Variants in CADPS observed in about 807,000 individuals in gnomAD.
CADPS encodes the protein calcium-dependent secretion activator 1.
CADPS carries 57 observed loss-of-function variants against 167.3 expected under a neutral mutation model. The observed-to-expected ratio is 0.34, with a 90% confidence interval of 0.28 to 0.42. The LOEUF is 0.42. CADPS is among the 20% of genes least tolerant of loss of function. The pLI, the probability that CADPS is intolerant of heterozygous loss-of-function variation, is 1.00. For missense variants in CADPS, 1,414 were observed against 1,738.1 expected, an observed-to-expected ratio of 0.81 and a Z score of 3.32; for synonymous variants, 676 against 635.3, an observed-to-expected ratio of 1.06 and a Z score of -0.96.
At chr3:62,714,324 A>C (rs1489426080) in intron 3 of CADPS, among the ~76,000 whole-genome samples, 1 of 152,152 alleles carries the variant, frequency 6.6e-6, no homozygotes, top group Non-Finnish European at 1.5e-5. Flanking sequence ...TTCATTGCTC[A>C]TTTTCTTCAT....
intron 26 of CADPS, among the ~76,000 whole-genome samples, chr3:62,450,083 A>C (rs1374769300): frequency 6.6e-6 from 1 of 152,154 alleles, no homozygotes; most frequent in Non-Finnish European, 1.5e-5. Context: ...CCTGGTGGTG[A>C]TAGTCAGTTT....
intron 8 of CADPS, among the ~76,000 whole-genome samples, chr3:62,579,756 G>T (rs1481492209): frequency 6.6e-6 from 1 of 152,166 alleles, no homozygotes; most frequent in African/African-American, 2.4e-5. Flanking sequence ...CTCTGAATGA[G>T]ATGGGGAATC....
At chr3:62,717,117 A>G (rs2084822849) in intron 3 of CADPS, among the ~76,000 whole-genome samples, 1 of 152,174 alleles carries the variant, frequency 6.6e-6, no homozygotes, top group Non-Finnish European at 1.5e-5. Flanking sequence ...TCTCCATATC[A>G]TTCACCTCTC....
Position 62,517,595 on chromosome 3 carries a change from A to G in CADPS, c.2393+554T>C, listed in dbSNP as rs541251206. Among the ~76,000 whole-genome samples, 4 of 152,332 alleles carry G rather than the reference A, an allele frequency of 2.6e-5. No individual in the cohort carries two copies. In the South Asian group the frequency reaches 8.3e-4, roughly 32 times the overall value. On this transcript the variant is annotated intron_variant, in intron 14 of 29. Transcript: ENST00000383710. Reference sequence around the variant, plus strand: ...ATCTCTGGTCCAGAACCACCAGGACAGCACTAAAAACACCTAATGTGCTCC... The same window carrying G: ...ATCTCTGGTCCAGAACCACCAGGACGGCACTAAAAACACCTAATGTGCTCC...
intron 23 of CADPS, among the ~76,000 whole-genome samples, chr3:62,476,943 C>T (rs2150706437): frequency 6.6e-6 from 1 of 152,138 alleles, no homozygotes; most frequent in East Asian, 1.9e-4. Context: ...ATATTTTGAT[C>T]TTGAGTTTGA....
intron 6 of CADPS, among the ~76,000 whole-genome samples, chr3:62,594,540 G>C (rs1315499694): frequency 3.3e-5 from 5 of 152,068 alleles, no homozygotes; most frequent in Non-Finnish European, 5.9e-5. Context: ...TTCTATTATT[G>C]AAATAGAATT....
intron 26 of CADPS, among the ~76,000 whole-genome samples, chr3:62,456,873 G>A (rs1484574203): frequency 6.6e-6 from 1 of 152,014 alleles, no homozygotes; most frequent in Non-Finnish European, 1.5e-5. Context: ...CTACCAATGT[G>A]ACATCCCTAA....
intron 3 of CADPS, among the ~76,000 whole-genome samples, chr3:62,717,054 A>G (rs1008582383): frequency 2.0e-5 from 3 of 152,202 alleles, no homozygotes; most frequent in Non-Finnish European, 4.4e-5. Context: ...CAGCCACAGA[A>G]AATCTACATA....
At chr3:62,814,168 C>A (rs1255595641) in intron 1 of CADPS, among the ~76,000 whole-genome samples, 1 of 152,084 alleles carries the variant, frequency 6.6e-6, no homozygotes, top group Admixed American at 6.6e-5. Context: ...CTCATTTCCC[C>A]AATCCTGTCA....
At chr3:62,633,662 C>T (rs915549251) in intron 6 of CADPS, among the ~76,000 whole-genome samples, 2 of 152,012 alleles carry the variant, frequency 1.3e-5, no homozygotes, top group African/African-American at 4.8e-5. Context: ...ATTTTGTGAC[C>T]CCTCTAATTA....
At chr3:62,694,888 C>T (rs1398166774) in intron 3 of CADPS, among the ~76,000 whole-genome samples, 4 of 152,044 alleles carry the variant, frequency 2.6e-5, no homozygotes, top group South Asian at 4.1e-4. Flanking sequence ...TAGATGCCAT[C>T]AATCAGATAA....
intron 1 of CADPS, among the ~76,000 whole-genome samples, chr3:62,837,699 C>T (rs2076089895): frequency 6.6e-6 from 1 of 152,172 alleles, no homozygotes; most frequent in African/African-American, 2.4e-5. Flanking sequence ...GGTCACAGCA[C>T]ATCCTATCAT....
At chr3:62,800,329 G>GA (rs2093686871) in intron 1 of CADPS, among the ~76,000 whole-genome samples, 1 of 151,926 alleles carries the variant, frequency 6.6e-6, no homozygotes, top group Non-Finnish European at 1.5e-5. Context: ...TCTTTTGGGT[G>GA]AAAAAAATGT....
At chr3:62,428,012 A>G (rs1162619640) in intron 28 of CADPS, among the ~76,000 whole-genome samples, 1 of 152,254 alleles carries the variant, frequency 6.6e-6, no homozygotes, top group East Asian at 1.9e-4. Context: ...AGGGATGGTC[A>G]GAATGGAAAA....
intron 6 of CADPS, 118 bp downstream of exon 6, chr3:62,645,604 C>A: frequency 1.8e-6 from 2 of 1,086,436 alleles, no homozygotes; most frequent in Non-Finnish European, 2.6e-6. Flanking sequence ...GAAAAATAAA[C>A]AAGGTTTATG....
chr3:62,744,814 C>T (rs913753967), intron 3 of CADPS, among the ~76,000 whole-genome samples: 6 of 152,156 alleles, frequency 3.9e-5, no homozygotes, highest in African/African-American at 7.2e-5. Context: ...ATAGAAAATG[C>T]CCAATTCCCT....
chr3:62,784,349 A>G (rs1005457574), intron 1 of CADPS, among the ~76,000 whole-genome samples: 3 of 152,202 alleles, frequency 2.0e-5, no homozygotes, highest in Non-Finnish European at 4.4e-5. Flanking sequence ...GTGTTTGTGC[A>G]TACCATATGA....
chr3:62,618,771 C>T (rs2062724714), intron 6 of CADPS, among the ~76,000 whole-genome samples: 2 of 152,180 alleles, frequency 1.3e-5, no homozygotes, highest in Non-Finnish European at 2.9e-5. Flanking sequence ...AGTTCCATTC[C>T]TTCAGGCTTT....
chr3:62,429,783 C>T (rs764873402), intron 28 of CADPS, among the ~76,000 whole-genome samples: 2 of 151,958 alleles, frequency 1.3e-5, no homozygotes, highest in Non-Finnish European at 2.9e-5. Context: ...GTGACCTTAA[C>T]GTAACAGAGC....
Sources: gnomAD v4.1 joint callset for allele counts (sites outside exome capture counted in the v4.1 genomes callset) on GRCh38, gnomAD v4.1.1 for gene constraint, MANE v1.5 for transcripts, NCBI Gene and HGNC (gene_info 2026-07-23, HGNC 2026-07-21) for gene names.